The following CFAP95 variants were observed in gnomAD, a reference collection of about 807,000 sequenced individuals.
The protein encoded by CFAP95 is cilia- and flagella-associated protein 95.
the CFAP95 span, among the ~76,000 whole-genome samples, chr9:69,865,364 G>A: frequency 6.6e-6 from 1 of 152,348 alleles, no homozygotes; most frequent in East Asian, 1.9e-4. Context: ...AAAGAGGAAA[G>A]TGGGGTGATG....
At chr9:69,823,967 C>A in the CFAP95 span, among the ~76,000 whole-genome samples, 1 of 152,056 alleles carries the variant, frequency 6.6e-6, no homozygotes, top group Non-Finnish European at 1.5e-5. Context: ...CAGGAACTGG[C>A]CATCTAGATG....
At chr9:69,825,985 C>G in the CFAP95 span, among the ~76,000 whole-genome samples, 1 of 152,022 alleles carries the variant, frequency 6.6e-6, no homozygotes, top group African/African-American at 2.4e-5. Context: ...AATTAAAGAG[C>G]CTGGGAGTTT....
the CFAP95 span, among the ~76,000 whole-genome samples, chr9:69,861,094 A>G: frequency 5.3e-5 from 8 of 152,238 alleles, no homozygotes; most frequent in Non-Finnish European, 1.2e-4. Flanking sequence ...ACATAATTGT[A>G]TATGCTCCAC....
the CFAP95 span, among the ~76,000 whole-genome samples, chr9:69,904,226 A>G: frequency 6.6e-6 from 1 of 152,126 alleles, no homozygotes; most frequent in South Asian, 2.1e-4. Flanking sequence ...CCATCATCCC[A>G]TTCCTGTCAA....
the CFAP95 span, among the ~76,000 whole-genome samples, chr9:69,858,620 G>T: frequency 6.6e-6 from 1 of 152,152 alleles, no homozygotes; most frequent in Admixed American, 6.5e-5. Flanking sequence ...CAAAAAATAA[G>T]ATGTCTTTAA....
chr9:69,867,082 G>T, the CFAP95 span, among the ~76,000 whole-genome samples: 2 of 152,220 alleles, frequency 1.3e-5, no homozygotes, highest in African/African-American at 2.4e-5. Context: ...GAAGCCAAAT[G>T]ACCGAGGAGG....
the CFAP95 span, among the ~76,000 whole-genome samples, chr9:69,865,017 A>C: frequency 6.6e-6 from 1 of 152,110 alleles, no homozygotes; most frequent in Non-Finnish European, 1.5e-5. Flanking sequence ...CATAATCCCC[A>C]TAATCCCCAC....
chr9:69,840,901 A>G, the CFAP95 span, among the ~76,000 whole-genome samples: 17 of 151,628 alleles, frequency 1.1e-4, no homozygotes, highest in African/African-American at 3.9e-4. Context: ...CCAAAGAAAC[A>G]CCTTCATTAT....
At chr9:69,846,732 A>G in the CFAP95 span, among the ~76,000 whole-genome samples, 1 of 152,170 alleles carries the variant, frequency 6.6e-6, no homozygotes, top group African/African-American at 2.4e-5. Flanking sequence ...TAGCAAGAGG[A>G]TGGGCAAGTC....
the CFAP95 span, among the ~76,000 whole-genome samples, chr9:69,855,527 A>G: frequency 6.6e-6 from 1 of 152,190 alleles, no homozygotes; most frequent in African/African-American, 2.4e-5. Flanking sequence ...ATCTAAGAAG[A>G]AGAGTAGTTG....
At chr9:69,892,789 G>T in the CFAP95 span, among the ~76,000 whole-genome samples, 5 of 152,178 alleles carry the variant, frequency 3.3e-5, no homozygotes, top group Admixed American at 6.5e-5. Context: ...CTTGATTTCA[G>T]AGGGACAGTT....
chr9:69,834,908 A>G, the CFAP95 span, among the ~76,000 whole-genome samples: 8 of 152,252 alleles, frequency 5.3e-5, no homozygotes, highest in Non-Finnish European at 1.0e-4. Context: ...TTCTGCAAAT[A>G]CACCTGAAAG....
At chr9:69,893,984 G>T in the CFAP95 span, among the ~76,000 whole-genome samples, 4 of 152,308 alleles carry the variant, frequency 2.6e-5, no homozygotes, top group East Asian at 7.7e-4. Flanking sequence ...GTGGTAGGGG[G>T]TAGAATTGGA....
the CFAP95 span, among the ~76,000 whole-genome samples, chr9:69,868,727 G>A: frequency 2.7e-5 from 4 of 149,636 alleles, no homozygotes; most frequent in African/African-American, 7.4e-5. Flanking sequence ...GCCTATGGAT[G>A]AGGAGAAAAT....
At chr9:69,870,459 C>T in the CFAP95 span, among the ~76,000 whole-genome samples, 346 of 152,312 alleles carry the variant, frequency 2.3e-3, 9 homozygotes, top group East Asian at 0.057. Context: ...TAAACAATGT[C>T]GTCAAGAATT....
chr9:69,885,473 C>T, the CFAP95 span, among the ~76,000 whole-genome samples: 1 of 152,190 alleles, frequency 6.6e-6, no homozygotes, highest in Non-Finnish European at 1.5e-5. Context: ...TGGAGTTCAG[C>T]TCTCTGCCTC....
the CFAP95 span, among the ~76,000 whole-genome samples, chr9:69,892,379 A>C: frequency 6.6e-6 from 1 of 152,176 alleles, no homozygotes; most frequent in Non-Finnish European, 1.5e-5. Flanking sequence ...GAAATACTTA[A>C]CCATCCCAGA....
chr9:69,868,020 C>A, the CFAP95 span, among the ~76,000 whole-genome samples: 1 of 152,140 alleles, frequency 6.6e-6, no homozygotes, highest in Non-Finnish European at 1.5e-5. Flanking sequence ...ATTGAAACAA[C>A]CTTCATATCT....
chr9:69,853,617 A>G, the CFAP95 span, among the ~76,000 whole-genome samples: 1 of 152,346 alleles, frequency 6.6e-6, no homozygotes, highest in East Asian at 1.9e-4. Context: ...TTTATGAAGT[A>G]CCATCCTTAT....
Sources: allele counts gnomAD v4.1 joint callset (sites outside exome capture counted in the v4.1 genomes callset), GRCh38; gene constraint gnomAD v4.1.1; transcripts MANE v1.5; gene names NCBI Gene and HGNC (gene_info 2026-07-23, HGNC 2026-07-21).